The following NRG1 variants were observed in gnomAD, a reference collection of about 807,000 sequenced individuals.
NRG1 encodes the protein pro-neuregulin-1, membrane-bound isoform.
Under a neutral mutation model 63.8 loss-of-function variants are expected in NRG1, and 18 were observed. The ratio of observed to expected loss-of-function variants is 0.28; its 90% CI spans 0.19 to 0.42. The LOEUF (loss-of-function observed/expected upper bound fraction) is 0.42, where lower values mean the gene tolerates loss of function less well. Ranked by LOEUF, NRG1 falls within the 10% of genes least tolerant of loss-of-function variation. The probability of loss-of-function intolerance (pLI) is 1.00; values close to 1 mark genes in which losing one functional copy is unlikely to be tolerated. For missense variants in NRG1, 762 were observed against 814.7 expected (o/e 0.94, Z 0.79); for synonymous variants, 302 against 301.3 (o/e 1.00, Z -0.02).
intron 1 of NRG1, among the ~76,000 whole-genome samples, chr8:32,070,281 A>C (rs1825561443): frequency 6.6e-6 from 1 of 152,184 alleles, no homozygotes; most frequent in Non-Finnish European, 1.5e-5. Context: ...TAATTTCCAG[A>C]CTGATGCCTT....
intron 5 of NRG1, among the ~76,000 whole-genome samples, chr8:32,664,217 A>C (rs956122377): frequency 2.0e-5 from 3 of 152,138 alleles, no homozygotes; most frequent in Non-Finnish European, 4.4e-5. Context: ...GCTTGGTTTC[A>C]TCAAAGACAT....
chr8:32,187,004 G>C (rs1462712973), intron 1 of NRG1, among the ~76,000 whole-genome samples: 2 of 152,170 alleles, frequency 1.3e-5, no homozygotes, highest in Non-Finnish European at 2.9e-5. Flanking sequence ...CTTTATCATA[G>C]GTTGGCCCTC....
intron 5 of NRG1, among the ~76,000 whole-genome samples, chr8:32,675,606 TAAAC>T (rs1314512016): frequency 2.0e-5 from 3 of 152,198 alleles, no homozygotes; most frequent in African/African-American, 7.2e-5. Flanking sequence ...TTAGAAATGA[TAAAC>T]AAATATTTAT....
In NRG1 at chr8:32,214,499, C is replaced by T. The variant is rs557552058; in HGVS notation, c.38-381329C>T. On this transcript the variant is annotated intron_variant, in intron 1 of 10. Transcript: ENST00000519301. ...TAGCATTGGAAAGAGTGTTTTTTGC[C>T]AGCCTTGATGGTGCACCCCTGCAGT... Among the ~76,000 whole-genome samples, 20 of 151,318 alleles carry T rather than the reference C, an allele frequency of 1.3e-4. No individual in the cohort carries two copies. In the South Asian group the frequency reaches 3.3e-3, roughly 25 times the overall value.
At chr8:32,243,399 C>T (rs1009734554) in intron 1 of NRG1, among the ~76,000 whole-genome samples, 2 of 150,350 alleles carry the variant, frequency 1.3e-5, no homozygotes, top group Admixed American at 1.3e-4. Flanking sequence ...CACTGCACTC[C>T]AACCTGGGTG....
At chr8:31,650,954 G>C (rs183738826) in intron 1 of NRG1, among the ~76,000 whole-genome samples, 2 of 152,278 alleles carry the variant, frequency 1.3e-5, no homozygotes, top group Non-Finnish European at 2.9e-5. Context: ...AAGGTAAAAT[G>C]CTTTTCAAGG....
chr8:32,569,737 TATTAA>T (rs138290707), intron 1 of NRG1, among the ~76,000 whole-genome samples: 31,028 of 151,718 alleles, frequency 0.2, 3,824 homozygotes, highest in Admixed American at 0.33. Context: ...ATTTTATTTT[TATTAA>T]ATTATTGTGA....
intron 1 of NRG1, among the ~76,000 whole-genome samples, chr8:31,901,565 C>A (rs1257517158): frequency 1.3e-5 from 2 of 152,164 alleles, no homozygotes; most frequent in African/African-American, 4.8e-5. Flanking sequence ...GGCCAAAGAT[C>A]CATTTTAACA....
chr8:32,078,030 T>A (rs1017217258), intron 1 of NRG1, among the ~76,000 whole-genome samples: 6 of 152,198 alleles, frequency 3.9e-5, no homozygotes, highest in African/African-American at 1.4e-4. Context: ...TATTTGGTAG[T>A]GTTATTCTTG....
intron 1 of NRG1, among the ~76,000 whole-genome samples, chr8:32,095,333 C>T (rs186429569): frequency 1.6e-4 from 25 of 152,276 alleles, no homozygotes; most frequent in African/African-American, 4.6e-4. Context: ...CTCATCATCT[C>T]GTCAAGCAGA....
intron 1 of NRG1, among the ~76,000 whole-genome samples, chr8:32,196,954 T>A: frequency 1.2e-5 from 1 of 83,454 alleles, no homozygotes; most frequent in African/African-American, 5.9e-5. Context: ...TTTTTTTTTT[T>A]TTTTTTTTTT....
At chr8:32,436,246 A>G (rs1407743723) in intron 1 of NRG1, among the ~76,000 whole-genome samples, 7 of 152,186 alleles carry the variant, frequency 4.6e-5, no homozygotes, top group Admixed American at 2.0e-4. Context: ...AGACTTATTC[A>G]CTACCACGAG....
At chr8:32,403,452 ACT>A (rs1813512781) in intron 1 of NRG1, among the ~76,000 whole-genome samples, 3 of 152,138 alleles carry the variant, frequency 2.0e-5, no homozygotes, top group East Asian at 1.9e-4. Context: ...ACAAAAATTG[ACT>A]CTCAAAAAGC....
intron 1 of NRG1, among the ~76,000 whole-genome samples, chr8:32,386,835 T>C (rs1334639281): frequency 3.3e-5 from 5 of 152,196 alleles, no homozygotes; most frequent in Non-Finnish European, 5.9e-5. Context: ...ATTTTACAAA[T>C]TTTACTACCA....
intron 1 of NRG1, among the ~76,000 whole-genome samples, chr8:31,975,100 G>A (rs1020709202): frequency 1.3e-5 from 2 of 152,094 alleles, no homozygotes; most frequent in Non-Finnish European, 2.9e-5. Flanking sequence ...AATTATAATA[G>A]TGTAGAATTA....
chr8:31,701,202 G>T (rs1341624891), intron 1 of NRG1, among the ~76,000 whole-genome samples: 1 of 151,976 alleles, frequency 6.6e-6, no homozygotes, highest in Non-Finnish European at 1.5e-5. Flanking sequence ...GGGCACATTT[G>T]GTCTAGTCCA....
At chr8:32,209,914 C>T (rs1469295669) in intron 1 of NRG1, among the ~76,000 whole-genome samples, 1 of 152,124 alleles carries the variant, frequency 6.6e-6, no homozygotes, top group Non-Finnish European at 1.5e-5. Context: ...CTTTGTTATA[C>T]AGGAAAGGAA....
At chr8:31,761,348 T>C (rs1041450581) in intron 1 of NRG1, among the ~76,000 whole-genome samples, 1 of 152,160 alleles carries the variant, frequency 6.6e-6, no homozygotes, top group African/African-American at 2.4e-5. Context: ...ATATACCTAA[T>C]GCTAAATGAC....
At chr8:31,993,552 G>A (rs1298724018) in intron 1 of NRG1, among the ~76,000 whole-genome samples, 1 of 151,948 alleles carries the variant, frequency 6.6e-6, no homozygotes, top group Non-Finnish European at 1.5e-5. Flanking sequence ...CCCTGCACAA[G>A]CTCTCTTCCC....
Sources: allele counts gnomAD v4.1 joint callset (sites outside exome capture counted in the v4.1 genomes callset), GRCh38; gene constraint gnomAD v4.1.1; transcripts MANE v1.5; gene names NCBI Gene and HGNC (gene_info 2026-07-23, HGNC 2026-07-21).